The following WWP1 variants were observed in gnomAD, a reference collection of about 807,000 sequenced individuals.
WWP1 encodes NEDD4-like E3 ubiquitin-protein ligase WWP1.
WWP1 carries 49 observed loss-of-function variants against 130.6 expected under a neutral mutation model. That is an observed-to-expected ratio of 0.38 (90% confidence interval 0.30 to 0.48). WWP1 has a LOEUF of 0.48. Among genes scored for constraint, WWP1 ranks in the 20% least tolerant of loss-of-function variants. The pLI is 0.99. For missense variants in WWP1, 809 were observed against 1,100.6 expected (o/e 0.74, Z 3.75); for synonymous variants, 332 against 367.8 (o/e 0.90, Z 1.11).
At chr8:86,421,325 G>C (rs950495755) in intron 9 of WWP1, among the ~76,000 whole-genome samples, 1 of 152,104 alleles carries the variant, frequency 6.6e-6, no homozygotes, top group African/African-American at 2.4e-5. Context: ...ACTTAGGTTT[G>C]TTAGATGCAG....
chr8:86,464,395 AATGTT>A (rs1206282863), intron 24 of WWP1, among the ~76,000 whole-genome samples: 1 of 152,210 alleles, frequency 6.6e-6, no homozygotes, highest in Non-Finnish European at 1.5e-5. Flanking sequence ...TTCCCATTAA[AATGTT>A]ATGTTTATTT....
At chr8:86,395,330 T>C (rs997775267) in intron 5 of WWP1, among the ~76,000 whole-genome samples, 5 of 152,176 alleles carry the variant, frequency 3.3e-5, no homozygotes, top group Admixed American at 1.3e-4. Context: ...CCATAGAGAA[T>C]ATGTAAATGA....
chr8:86,455,607 A>G (rs1243800539), intron 21 of WWP1, among the ~76,000 whole-genome samples: 1 of 152,030 alleles, frequency 6.6e-6, no homozygotes, highest in Non-Finnish European at 1.5e-5. Context: ...AAAACACACA[A>G]GACCTCTATA....
chr8:86,380,035 C>G (rs749265283), intron 3 of WWP1, among the ~76,000 whole-genome samples: 2 of 152,084 alleles, frequency 1.3e-5, no homozygotes, highest in African/African-American at 4.8e-5. Context: ...TGAAAACATA[C>G]GTCCACAAAA....
chr8:86,374,728 GA>G (rs1214539679), intron 3 of WWP1, among the ~76,000 whole-genome samples: 13 of 148,878 alleles, frequency 8.7e-5, no homozygotes, highest in Admixed American at 8.7e-4. Flanking sequence ...TTTTTCTTTT[GA>G]GATAGGGTCT....
At chr8:86,445,339 T>A (rs530206912) in intron 18 of WWP1, among the ~76,000 whole-genome samples, 2 of 152,228 alleles carry the variant, frequency 1.3e-5, no homozygotes, top group East Asian at 3.9e-4. Flanking sequence ...CTTGCCTTCC[T>A]CCCTCTCTCC....
intron 20 of WWP1, among the ~76,000 whole-genome samples, chr8:86,451,054 T>A (rs1586493070): frequency 6.7e-6 from 1 of 149,890 alleles, no homozygotes; most frequent in African/African-American, 2.5e-5. Flanking sequence ...TCTACAAAAA[T>A]AAATAAATAA....
At chr8:86,440,315 T>C (rs990463855) in intron 17 of WWP1, among the ~76,000 whole-genome samples, 1 of 152,210 alleles carries the variant, frequency 6.6e-6, no homozygotes, top group African/African-American at 2.4e-5. Context: ...ATTTAATTCA[T>C]GTATTGGTGG....
intron 5 of WWP1, among the ~76,000 whole-genome samples, chr8:86,396,849 C>T (rs570587984): frequency 3.6e-4 from 55 of 152,026 alleles, no homozygotes; most frequent in Admixed American, 2.4e-3. Flanking sequence ...ATGCGCCTGC[C>T]TCACCTCCCA....
Position 86,380,747 on chromosome 8 carries a change from GAAAAA to G in WWP1, c.94_98del (p.Lys32GlufsTer25). 1.2e-6 allele frequency: 2 copies of G among 1,608,404 alleles called. No homozygotes were observed. The highest frequency in any genetic ancestry group is 1.7e-6 in the Non-Finnish European group (2 of 1,178,402). The stretch of plus-strand genomic sequence containing the variant: ...TTAGTTTCTAGTGCCAAACTTAAAA[GAAAAA>G]AGAACTGGTTCGGAACAGCAATATA... On this transcript the variant is annotated frameshift_variant, in exon 4 of 25. Transcript: ENST00000517970. LOFTEE classifies it high-confidence loss of function.
At chr8:86,457,837 A>AT in intron 21 of WWP1, 84 bp from the exon 22 acceptor site, 1 of 1,297,846 alleles carries the variant, frequency 7.7e-7, no homozygotes, top group Non-Finnish European at 1.1e-6. Flanking sequence ...TGCCATGTGC[A>AT]TAACTGCATT....
chr8:86,433,484 C>T (rs1215622125), intron 14 of WWP1, among the ~76,000 whole-genome samples: 1 of 151,468 alleles, frequency 6.6e-6, no homozygotes, highest in African/African-American at 2.4e-5. Context: ...GAGGTTGAGG[C>T]GGGTAGATCA....
rs1348126611 is a variant in WWP1, at chr8:86,468,396, A to T, written c.*1503A>T. On this transcript the variant is annotated 3_prime_UTR_variant, in exon 25 of 25. Coordinates refer to ENST00000517970, the MANE Select transcript of WWP1 (RefSeq NM_007013.4). Reference sequence around the variant, plus strand: ...GAATAGACTCCTTTTCCAAATCCTTATTATGAACACTCTGGTAATTTTCAA... The same window carrying T: ...GAATAGACTCCTTTTCCAAATCCTTTTTATGAACACTCTGGTAATTTTCAA... 6 of 452,498 alleles carry T rather than the reference A, an allele frequency of 1.3e-5. No homozygotes were observed. The highest frequency in any genetic ancestry group is 2.7e-5 in the Non-Finnish European group (6 of 226,178). The allele number at this position is 452,498 out of a possible 1,614,324, so 28.0% of individuals were successfully genotyped here. A position where few individuals can be genotyped will look rare whatever the true frequency, so the allele number is the denominator to read the frequency against.
intron 9 of WWP1, among the ~76,000 whole-genome samples, chr8:86,412,384 T>G (rs912876876): frequency 3.3e-5 from 5 of 152,236 alleles, no homozygotes; most frequent in African/African-American, 7.2e-5. Context: ...ATTACTCAAC[T>G]TCCCATGATT....
In WWP1 at chr8:86,432,622, T is replaced by C. The variant is rs558544314; in HGVS notation, c.1601+879T>C. On this transcript the variant is annotated intron_variant, in intron 14 of 24. Coordinates refer to ENST00000517970, the MANE Select transcript of WWP1 (RefSeq NM_007013.4). ...TCGCAGTTCATTTTTTTGTTTTTTT[T>C]TTGAGACGGACTTTCGCTCCTGTTG... 3.3e-5 allele frequency among the ~76,000 whole-genome samples: 5 copies of C among 152,070 alleles called. No homozygotes were observed. In the South Asian group the frequency reaches 1.0e-3, roughly 31 times the overall value.
chr8:86,367,779 A>G (rs1221295078), intron 1 of WWP1, among the ~76,000 whole-genome samples: 2 of 152,214 alleles, frequency 1.3e-5, no homozygotes, highest in East Asian at 1.9e-4. Flanking sequence ...ACCAAGGACA[A>G]CTTGATAAAA....
In WWP1 at chr8:86,342,610, G is replaced by T; in HGVS notation, c.-435G>T. 1 of 182,354 alleles carries T rather than the reference G, an allele frequency of 5.5e-6. No homozygotes were observed. Among genetic ancestry groups the T allele is most frequent in the Non-Finnish European group, 1.1e-5 (1 of 89,366 alleles). The allele number at this position is 182,354 out of a possible 1,614,324, so 11.3% of individuals were successfully genotyped here. A position where few individuals can be genotyped will look rare whatever the true frequency, so the allele number is the denominator to read the frequency against. On this transcript the variant is annotated 5_prime_UTR_variant, in exon 1 of 25. Transcript: ENST00000517970. ...CGTAGCGCGCGGTGCCGGGGCCGGC[G>T]GGGAGGCGCGCGCTTAGGGCGCGGC...
chr8:86,358,894 G>A (rs1369794068), intron 1 of WWP1, among the ~76,000 whole-genome samples: 1 of 151,972 alleles, frequency 6.6e-6, no homozygotes, highest in Non-Finnish European at 1.5e-5. Context: ...ACAGTGTAAC[G>A]GGAGAGATAG....
chr8:86,424,361 T>C (rs1300903992), intron 9 of WWP1, among the ~76,000 whole-genome samples: 1 of 142,460 alleles, frequency 7.0e-6, no homozygotes, highest in Non-Finnish European at 1.5e-5. Context: ...TCCCAGACGA[T>C]GGGCGGCCAG....
Sources: gnomAD v4.1 joint callset for allele counts (sites outside exome capture counted in the v4.1 genomes callset) on GRCh38, gnomAD v4.1.1 for gene constraint, MANE v1.5 for transcripts, NCBI Gene and HGNC (gene_info 2026-07-23, HGNC 2026-07-21) for gene names.